Variants in PPARGC1A observed in about 807,000 individuals in gnomAD.
PPARGC1A encodes the protein peroxisome proliferator-activated receptor gamma coactivator 1-alpha.
A neutral mutation model predicts 88.7 loss-of-function variants in PPARGC1A; 25 were observed. The observed-to-expected ratio is 0.28, with a 90% CI of 0.21 to 0.39. The LOEUF is 0.39. PPARGC1A is among the 10% of genes least tolerant of loss of function. The pLI, the probability that PPARGC1A is intolerant of heterozygous loss-of-function variation, is 1.00. For missense variants in PPARGC1A, 880 were observed against 968.7 expected (o/e 0.91, Z 1.22); for synonymous variants, 363 against 355.6 (o/e 1.02, Z -0.24).
the PPARGC1A span, among the ~76,000 whole-genome samples, chr4:24,332,570 C>T: frequency 6.6e-6 from 1 of 152,168 alleles, no homozygotes; most frequent in Non-Finnish European, 1.5e-5. Flanking sequence ...TATCACTTAT[C>T]ATTTCAATAT....
intron 2 of PPARGC1A, among the ~76,000 whole-genome samples, chr4:23,847,031 T>TA (rs1177401614): frequency 6.6e-6 from 1 of 152,102 alleles, no homozygotes; most frequent in Admixed American, 6.6e-5. Context: ...CATATGCATT[T>TA]AAAAAAATAT....
At chr4:23,981,603 G>A in the PPARGC1A span, among the ~76,000 whole-genome samples, 1 of 152,152 alleles carries the variant, frequency 6.6e-6, no homozygotes, top group Non-Finnish European at 1.5e-5. Flanking sequence ...TCACAGTACA[G>A]AAAGGGAGAG....
the PPARGC1A span, among the ~76,000 whole-genome samples, chr4:24,058,594 G>T: frequency 2.0e-5 from 3 of 152,150 alleles, no homozygotes; most frequent in African/African-American, 7.2e-5. Flanking sequence ...GGAAACAAAA[G>T]GGACAAGTTC....
chr4:23,924,721 C>A, the PPARGC1A span, among the ~76,000 whole-genome samples: 2 of 152,156 alleles, frequency 1.3e-5, no homozygotes, highest in African/African-American at 4.8e-5. Context: ...CAGCACCATG[C>A]CTAGACATGA....
the PPARGC1A span, among the ~76,000 whole-genome samples, chr4:24,359,667 G>A: frequency 2.6e-5 from 4 of 152,168 alleles, no homozygotes; most frequent in African/African-American, 9.7e-5. Context: ...CCAATGACTG[G>A]TGTCCTTATC....
intron 2 of PPARGC1A, among the ~76,000 whole-genome samples, chr4:23,877,043 G>C (rs2148801582): frequency 6.6e-6 from 1 of 152,208 alleles, no homozygotes; most frequent in Admixed American, 6.5e-5. Flanking sequence ...TCATCACTTT[G>C]GGACAAATGG....
the PPARGC1A span, among the ~76,000 whole-genome samples, chr4:24,287,634 GCA>G: frequency 5.2e-3 from 739 of 142,110 alleles, 10 homozygotes; most frequent in East Asian, 0.039. Flanking sequence ...AACACCACAT[GCA>G]CACACACACA....
At chr4:23,818,908 C>CAACTTACTT (rs999544135) in intron 7 of PPARGC1A, among the ~76,000 whole-genome samples, 1 of 118,880 alleles carries the variant, frequency 8.4e-6, no homozygotes, top group Non-Finnish European at 1.6e-5. Flanking sequence ...GCAAAATCTG[C>CAACTTACTT]AACTTACTTT....
the PPARGC1A span, among the ~76,000 whole-genome samples, chr4:23,980,538 T>C: frequency 6.6e-6 from 1 of 152,226 alleles, no homozygotes; most frequent in African/African-American, 2.4e-5. Flanking sequence ...AGTACCCATT[T>C]GTGCAAGTTT....
At chr4:24,247,253 A>G in the PPARGC1A span, among the ~76,000 whole-genome samples, 1 of 152,184 alleles carries the variant, frequency 6.6e-6, no homozygotes, top group African/African-American at 2.4e-5. Flanking sequence ...CTGAGGCTCT[A>G]CAAAAGGGGA....
chr4:24,151,465 C>A, the PPARGC1A span, among the ~76,000 whole-genome samples: 3 of 152,130 alleles, frequency 2.0e-5, no homozygotes, highest in Admixed American at 2.0e-4. Context: ...TAATCACCTC[C>A]CAAAGGTCCA....
the PPARGC1A span, among the ~76,000 whole-genome samples, chr4:24,035,331 G>A: frequency 5.2e-4 from 79 of 152,152 alleles, 1 homozygote; most frequent in African/African-American, 1.7e-3. Context: ...CTTGAGGTCA[G>A]GAGTTCGAGA....
chr4:24,003,526 A>G, the PPARGC1A span, among the ~76,000 whole-genome samples: 2 of 152,172 alleles, frequency 1.3e-5, no homozygotes, highest in Admixed American at 1.3e-4. Flanking sequence ...TGTGGGGATT[A>G]ACTCAGCTGA....
chr4:24,183,153 T>C, the PPARGC1A span, among the ~76,000 whole-genome samples: 1 of 152,206 alleles, frequency 6.6e-6, no homozygotes, highest in South Asian at 2.1e-4. Context: ...TCAGAGTGCC[T>C]GGCACATGGT....
chr4:24,069,945 C>T, the PPARGC1A span, among the ~76,000 whole-genome samples: 1 of 152,158 alleles, frequency 6.6e-6, no homozygotes, highest in Non-Finnish European at 1.5e-5. Context: ...GCAGAAAGAG[C>T]AATGCAGCTG....
chr4:24,089,495 C>T, the PPARGC1A span, among the ~76,000 whole-genome samples: 1 of 89,624 alleles, frequency 1.1e-5, no homozygotes. Context: ...CTTTTCTTTT[C>T]TTTTCTTTTC....
At chr4:23,900,159 G>C (rs983070785), upstream of PPARGC1A, among the ~76,000 whole-genome samples, 4 of 152,074 alleles carry the variant, frequency 2.6e-5, no homozygotes, top group African/African-American at 9.7e-5. Context: ...TAAGTTTCTC[G>C]ATCTATTTCC....
At chr4:24,086,485 G>A in the PPARGC1A span, among the ~76,000 whole-genome samples, 5 of 151,988 alleles carry the variant, frequency 3.3e-5, no homozygotes, top group East Asian at 1.9e-4. Context: ...CCTTTTCTTC[G>A]TTTAAGAATT....
chr4:24,215,334 T>C, the PPARGC1A span, among the ~76,000 whole-genome samples: 2 of 152,358 alleles, frequency 1.3e-5, no homozygotes, highest in African/African-American at 4.8e-5. Flanking sequence ...GTATGCTTTA[T>C]GTGATCAGCT....
Sources: allele counts gnomAD v4.1 joint callset (sites outside exome capture counted in the v4.1 genomes callset), GRCh38; gene constraint gnomAD v4.1.1; transcripts MANE v1.5; gene names NCBI Gene and HGNC (gene_info 2026-07-23, HGNC 2026-07-21).